CEP120: variants seen among roughly 807,000 people sequenced by gnomAD.
CEP120 encodes the protein centrosomal protein of 120 kDa.
In CEP120, 113 loss-of-function variants were observed where a neutral mutation model predicts 126.5. The ratio of observed to expected loss-of-function variants is 0.89; its 90% CI spans 0.77 to 1.04. The LOEUF (loss-of-function observed/expected upper bound fraction) is 1.04, where lower values mean the gene tolerates loss of function less well. Among genes scored for constraint, CEP120 ranks in the 50% least tolerant of loss-of-function variants. CEP120 has a pLI of 0.00. For synonymous variants in CEP120, 400 were observed against 394.3 expected, an observed-to-expected ratio of 1.01 and a Z score of -0.17; for missense variants, 1,230 against 1,155.7, an observed-to-expected ratio of 1.06 and a Z score of -0.93.
At chr5:123,411,332 T>C (rs1016449344) in intron 4 of CEP120, among the ~76,000 whole-genome samples, 6 of 152,194 alleles carry the variant, frequency 3.9e-5, no homozygotes, top group Non-Finnish European at 7.4e-5. Context: ...ATCCTGGATA[T>C]TTACCCAAAT....
At chr5:123,403,542 T>C (rs189716646) in intron 4 of CEP120, among the ~76,000 whole-genome samples, 1 of 152,362 alleles carries the variant, frequency 6.6e-6, no homozygotes, top group African/African-American at 2.4e-5. Context: ...AAATTGAATA[T>C]ATTCATAATT....
At position 123,401,084 on chromosome 5, in the gene CEP120, T is replaced by C. The variant is rs1032536073; in HGVS notation, c.464-1800A>G. On this transcript the variant is annotated intron_variant, in intron 4 of 19. Transcript: ENST00000306467. Reference sequence around the variant, plus strand: ...CCCCACAGGCCGAGCTCAGACCACTTGCATAGCCGCTGGTGGTCTTCGTAT... The same window carrying C: ...CCCCACAGGCCGAGCTCAGACCACTCGCATAGCCGCTGGTGGTCTTCGTAT... 4.4e-6 allele frequency: 7 copies of C among 1,589,454 alleles called. No individual in the cohort carries two copies. In the African/African-American group the frequency reaches 9.4e-5, roughly 21 times the overall value.
At chr5:123,401,340 T>C (rs1773219228) in intron 4 of CEP120, 1 of 1,599,814 alleles carries the variant, frequency 6.3e-7, no homozygotes, top group South Asian at 1.1e-5. Context: ...GCATCTGCAA[T>C]GGCGGCCTCC....
At chr5:123,355,995 T>A (rs913335496) in intron 18 of CEP120, among the ~76,000 whole-genome samples, 4 of 152,212 alleles carry the variant, frequency 2.6e-5, no homozygotes, top group South Asian at 2.1e-4. Flanking sequence ...TTTCTACATA[T>A]GGCTAGCCAG....
chr5:123,401,797 T>G, intron 4 of CEP120: 1 of 1,302,288 alleles, frequency 7.7e-7, no homozygotes, highest in Admixed American at 1.7e-5. Flanking sequence ...CGCTTATTGA[T>G]CTCATCCTCA....
chr5:123,395,767 C>T (rs914342821), intron 5 of CEP120, among the ~76,000 whole-genome samples: 3 of 151,290 alleles, frequency 2.0e-5, no homozygotes, highest in Non-Finnish European at 2.9e-5. Flanking sequence ...CTGCAAGCTC[C>T]GCCTCCTGGG....
In CEP120 at chr5:123,374,762, T is replaced by C. The variant is rs563407963; in HGVS notation, c.2359-1990A>G. On this transcript the variant is annotated intron_variant, in intron 16 of 19. Coordinates refer to ENST00000306467, the MANE Select transcript of CEP120 (RefSeq NM_001375405.1). Reference sequence around the variant, plus strand: ...TAACATCCAAAGTTGAACAGAAACCTTTCTAAAGTCTCTCACTTTTCTGTT... The same window carrying C: ...TAACATCCAAAGTTGAACAGAAACCCTTCTAAAGTCTCTCACTTTTCTGTT... 4.3e-4 allele frequency among the ~76,000 whole-genome samples: 65 copies of C among 152,264 alleles called. 1 individual carries two copies. Among genetic ancestry groups the C allele is most frequent in the Admixed American group, 7.8e-4 (12 of 15,298 alleles).
chr5:123,422,679 G>A (rs1016418723), intron 1 of CEP120: 1 of 829,988 alleles, frequency 1.2e-6, no homozygotes, highest in Non-Finnish European at 1.9e-6. Context: ...CCATCGACGT[G>A]CTGCTTTGGA....
intron 19 of CEP120, among the ~76,000 whole-genome samples, chr5:123,348,733 C>G (rs1409829403): frequency 1.3e-5 from 2 of 152,080 alleles, no homozygotes; most frequent in Admixed American, 6.6e-5. Context: ...AACCCTTAAC[C>G]TCTAATGTGA....
Position 123,389,965 on chromosome 5 carries a change from T to C in CEP120, c.1214A>G (p.Glu405Gly). The C allele has an allele frequency of 1.2e-6, 2 of 1,614,220 alleles. No individual in the cohort carries two copies. Among genetic ancestry groups the C allele is most frequent in the South Asian group, 1.1e-5 (1 of 91,086 alleles). Residue 405 changes from glutamate to glycine, a missense_variant, in exon 8 of 20, where the codon GAA becomes GGA. Transcript: ENST00000306467. Reference sequence around the variant, plus strand: ...GGTGTCCTTATCATACTGTAAACTTTCCACTTCACTTTCTGTTGCATCATC... The same window carrying C: ...GGTGTCCTTATCATACTGTAAACTTCCCACTTCACTTTCTGTTGCATCATC... ...TKDDATESEV[E>G]SLQYDKDTKP...
chr5:123,393,052 A>G (rs368768916), intron 6 of CEP120, among the ~76,000 whole-genome samples: 1 of 152,122 alleles, frequency 6.6e-6, no homozygotes, highest in East Asian at 1.9e-4. Flanking sequence ...AAGGACTGAT[A>G]ACTGATATAC....
Position 123,349,994 on chromosome 5 carries a change from T to C in CEP120, c.2676A>G (p.Thr892=), listed in dbSNP as rs1769096849. 3 of 1,613,884 alleles carry C rather than the reference T, an allele frequency of 1.9e-6. No individual in the cohort carries two copies. Among genetic ancestry groups the C allele is most frequent in the Non-Finnish European group, 2.5e-6 (3 of 1,179,868 alleles). ...ACAATTCTTGTCGCTCGGTTTTTAC[T>C]GTATCTTTTTCCTCAGCGGCAAGGT... is the stretch of plus-strand genomic sequence containing the variant. ...LRYLAAEEKD[T]VKTERQELLD... is the part of the protein sequence containing the mutation. The change falls in exon 19 of 20, where the codon ACA becomes ACG. Residue 892 remains threonine, a synonymous_variant. Transcript: ENST00000306467.
At position 123,346,625 on chromosome 5, in the gene CEP120, C is replaced by G. The variant is rs1231061881; in HGVS notation, c.2855G>C (p.Arg952Thr). ...CACACCCGTTCTCATCAAAGTATCC[C>G]TTTCTTCTATCAGGCGAGTCAAATA... ...DDYLTRLIEE[R>T]DTLMRTGVYN... The change falls in exon 20 of 20, where the codon AGG (arginine) becomes ACG (threonine). Residue 952 changes from arginine (R) to threonine (T), a missense_variant. Coordinates refer to ENST00000306467, the MANE Select transcript of CEP120 (RefSeq NM_001375405.1). The G allele has an allele frequency of 2.5e-6, 4 of 1,613,786 alleles. No individual in the cohort carries two copies. In the African/African-American group the frequency reaches 4.0e-5, roughly 16 times the overall value.
chr5:123,370,831 A>G (rs1315527720), intron 17 of CEP120, among the ~76,000 whole-genome samples: 1 of 150,794 alleles, frequency 6.6e-6, no homozygotes, highest in Non-Finnish European at 1.5e-5. Flanking sequence ...CTGGTCTTGA[A>G]CTGAGCTCAA....
chr5:123,406,076 G>C (rs576123081), intron 4 of CEP120, among the ~76,000 whole-genome samples: 4 of 152,098 alleles, frequency 2.6e-5, no homozygotes, highest in African/African-American at 9.6e-5. Context: ...TATGAGAATT[G>C]GTTCATTAGT....
At chr5:123,399,411 G>A in intron 4 of CEP120, 127 bp from the exon 5 acceptor site, 1 of 842,478 alleles carries the variant, frequency 1.2e-6, no homozygotes, top group Non-Finnish European at 1.8e-6. Context: ...ATCTAATAAG[G>A]TTTCCTTTAC....
At position 123,381,509 on chromosome 5, in the gene CEP120, A is replaced by C. The variant is rs957137208; in HGVS notation, c.2103+602T>G. ...GAAGAAAGTCTGTTAGGGTTGTTTT[A>C]TTTAATAACTTCAGTGTAAATGGAT... On this transcript the variant is annotated intron_variant, in intron 14 of 19. Coordinates refer to ENST00000306467, the MANE Select transcript of CEP120 (RefSeq NM_001375405.1). Among the ~76,000 whole-genome samples the C allele has an allele frequency of 2.0e-5, 3 of 152,130 alleles. No homozygotes were observed. In the East Asian group the frequency reaches 5.8e-4, roughly 29 times the overall value.
intron 12 of CEP120, 45 bp downstream of exon 12, chr5:123,382,941 T>G: frequency 6.2e-7 from 1 of 1,602,190 alleles, no homozygotes; most frequent in Non-Finnish European, 8.5e-7. Flanking sequence ...ATATGCACAT[T>G]AGATTCCTTT....
In CEP120 at chr5:123,393,516, A is replaced by G. The variant is rs1772544585; in HGVS notation, c.613-19T>C. ...GAATTAACTAAACATTTCAGGAAAA[A>G]GAAAACAGTTATTACTTTCTAAACT... On this transcript the variant is annotated intron_variant, in intron 5 of 19. Coordinates refer to ENST00000306467, the MANE Select transcript of CEP120 (RefSeq NM_001375405.1). 1.3e-6 allele frequency: 2 copies of G among 1,594,610 alleles called. No individual in the cohort carries two copies. Among genetic ancestry groups the G allele is most frequent in the Non-Finnish European group, 8.6e-7 (1 of 1,163,306 alleles).
Sources: allele counts gnomAD v4.1 joint callset (sites outside exome capture counted in the v4.1 genomes callset), GRCh38; gene constraint gnomAD v4.1.1; transcripts MANE v1.5; gene names NCBI Gene and HGNC (gene_info 2026-07-23, HGNC 2026-07-21).